DACH1: variants seen among roughly 807,000 people sequenced by gnomAD.
DACH1 encodes the protein dachshund homolog 1.
DACH1 carries 12 observed loss-of-function variants against 54.2 expected under a neutral mutation model. The observed-to-expected ratio is 0.22, with a 90% CI of 0.14 to 0.36. DACH1 has a LOEUF of 0.36. Ranked by LOEUF, DACH1 falls within the 10% of genes least tolerant of loss-of-function variation. The pLI, the probability that DACH1 is intolerant of heterozygous loss-of-function variation, is 1.00. For synonymous variants in DACH1, 386 were observed against 366.2 expected, an observed-to-expected ratio of 1.05 and a Z score of -0.62; for missense variants, 805 against 929.8, an observed-to-expected ratio of 0.87 and a Z score of 1.75.
At chr13:71,558,266 A>G (rs1197706574) in intron 5 of DACH1, among the ~76,000 whole-genome samples, 1 of 151,970 alleles carries the variant, frequency 6.6e-6, no homozygotes, top group Non-Finnish European at 1.5e-5. Context: ...ACACATAAGA[A>G]TGATTTGCAT....
At chr13:71,817,487 T>G (rs1594258117) in intron 1 of DACH1, among the ~76,000 whole-genome samples, 1 of 152,220 alleles carries the variant, frequency 6.6e-6, no homozygotes, top group East Asian at 1.9e-4. Context: ...TTGGTAGTTC[T>G]AGGGACACAC....
intron 1 of DACH1, among the ~76,000 whole-genome samples, chr13:71,734,010 C>T (rs1462105933): frequency 6.6e-6 from 1 of 151,806 alleles, no homozygotes; most frequent in Non-Finnish European, 1.5e-5. Flanking sequence ...GATTGCACCA[C>T]TGCACTCCAG....
intron 3 of DACH1, among the ~76,000 whole-genome samples, chr13:71,617,617 G>A (rs1013762632): frequency 6.6e-6 from 1 of 152,080 alleles, no homozygotes; most frequent in African/African-American, 2.4e-5. Context: ...AAAGCAAATA[G>A]GCTAAAACCA....
chr13:71,510,704 T>C (rs1880710501), intron 6 of DACH1, among the ~76,000 whole-genome samples: 1 of 152,076 alleles, frequency 6.6e-6, no homozygotes, highest in African/African-American at 2.4e-5. Context: ...GCTTGATTCA[T>C]GTAAATCTAT....
intron 6 of DACH1, among the ~76,000 whole-genome samples, chr13:71,508,420 T>C (rs1007929754): frequency 1.3e-5 from 2 of 152,138 alleles, no homozygotes; most frequent in African/African-American, 2.4e-5. Flanking sequence ...TAGTATCATT[T>C]TATATGCATG....
At chr13:71,614,009 G>A (rs953894408) in intron 3 of DACH1, among the ~76,000 whole-genome samples, 3 of 152,102 alleles carry the variant, frequency 2.0e-5, no homozygotes, top group East Asian at 1.9e-4. Context: ...TTGTTTGTTC[G>A]TTTGTTTTCT....
chr13:71,816,018 G>A (rs1477141226), intron 1 of DACH1, among the ~76,000 whole-genome samples: 1 of 151,924 alleles, frequency 6.6e-6, no homozygotes, highest in Admixed American at 6.6e-5. Flanking sequence ...CCGGGAGGCG[G>A]AGCTTGCAGT....
At chr13:71,717,374 C>G (rs983257415) in intron 1 of DACH1, among the ~76,000 whole-genome samples, 2 of 151,966 alleles carry the variant, frequency 1.3e-5, no homozygotes, top group African/African-American at 4.8e-5. Context: ...ACAGAATAAC[C>G]TTTTAACTGA....
intron 1 of DACH1, among the ~76,000 whole-genome samples, chr13:71,788,849 A>G (rs1023495078): frequency 1.4e-4 from 22 of 152,254 alleles, no homozygotes; most frequent in Admixed American, 7.2e-4. Flanking sequence ...ATAAACCTCC[A>G]TTCTGAAGCA....
intron 1 of DACH1, among the ~76,000 whole-genome samples, chr13:71,682,114 A>C (rs1453066317): frequency 6.6e-6 from 1 of 152,224 alleles, no homozygotes; most frequent in African/African-American, 2.4e-5. Flanking sequence ...CTCCTGATGC[A>C]TAATTCATAG....
At chr13:71,573,605 T>G (rs1326277043) in intron 3 of DACH1, 4 of 480,326 alleles carry the variant, frequency 8.3e-6, no homozygotes, top group Non-Finnish European at 1.5e-5. Flanking sequence ...TACTTGGATA[T>G]AATATTATTC....
intron 6 of DACH1, among the ~76,000 whole-genome samples, chr13:71,532,231 T>A (rs1183571980): frequency 1.3e-5 from 2 of 151,954 alleles, no homozygotes; most frequent in African/African-American, 4.8e-5. Context: ...ATACATTGCA[T>A]TATTAGACTA....
intron 1 of DACH1, among the ~76,000 whole-genome samples, chr13:71,807,941 T>A (rs1366857742): frequency 1.3e-5 from 2 of 152,178 alleles, no homozygotes; most frequent in African/African-American, 4.8e-5. Flanking sequence ...CTTTTCCTGA[T>A]GTTAATGTCA....
At chr13:71,850,375 G>A (rs1162802358) in intron 1 of DACH1, among the ~76,000 whole-genome samples, 7 of 152,254 alleles carry the variant, frequency 4.6e-5, no homozygotes, top group Admixed American at 4.6e-4. Context: ...TGCAAGGCCA[G>A]GATCCTTAAC....
rs774114340 is a variant in DACH1, at chr13:71,439,412, G to T, written c.*1243C>A. On this transcript the variant is annotated 3_prime_UTR_variant, in exon 11 of 11. Coordinates refer to ENST00000613252, the MANE Select transcript of DACH1 (RefSeq NM_080759.6). ...CATAGCCACCCTTCCCTCTGACAAG[G>T]GTGGGAAGCACAGCACATTTTAACT... 3 of 152,394 alleles carry T rather than the reference G, an allele frequency of 2.0e-5. No homozygotes were observed. The highest frequency in any genetic ancestry group is 1.3e-4 in the Admixed American group (2 of 15,242). 9.4% of individuals were successfully genotyped at this position (152,394 alleles called of 1,614,324 possible).
intron 3 of DACH1, among the ~76,000 whole-genome samples, chr13:71,593,874 T>C (rs1192506881): frequency 6.6e-6 from 1 of 151,804 alleles, no homozygotes; most frequent in African/African-American, 2.4e-5. Context: ...CTAATAAGTA[T>C]ATTTTCTGAA....
Position 71,439,277 on chromosome 13 carries a change from G to C in DACH1, c.*1378C>G, listed in dbSNP as rs1207370426. The C allele has an allele frequency of 6.6e-6, 1 of 152,378 alleles. No individual in the cohort carries two copies. The highest frequency in any genetic ancestry group is 2.4e-5 in the African/African-American group (1 of 41,418). 9.4% of individuals were successfully genotyped at this position (152,378 alleles called of 1,614,324 possible). A position where few individuals can be genotyped will look rare whatever the true frequency, so the allele number is the denominator to read the frequency against. On this transcript the variant is annotated 3_prime_UTR_variant, in exon 11 of 11. Transcript: ENST00000613252. The stretch of plus-strand genomic sequence containing the variant: ...TAATTCCAGATATGCAAAAAACAAA[G>C]AGAAGGTAACTTTAGCATGTAATAA...
intron 3 of DACH1, among the ~76,000 whole-genome samples, chr13:71,622,228 G>A (rs982538289): frequency 2.6e-5 from 4 of 151,832 alleles, no homozygotes; most frequent in East Asian, 1.9e-4. Context: ...GATGAATCAC[G>A]GTCACGTGAA....
At chr13:71,494,570 A>G (rs1879252552) in intron 6 of DACH1, among the ~76,000 whole-genome samples, 1 of 152,112 alleles carries the variant, frequency 6.6e-6, no homozygotes, top group African/African-American at 2.4e-5. Flanking sequence ...ATATTTTCAA[A>G]TTATGATGGG....
Sources: allele counts gnomAD v4.1 joint callset (sites outside exome capture counted in the v4.1 genomes callset), GRCh38; gene constraint gnomAD v4.1.1; transcripts MANE v1.5; gene names NCBI Gene and HGNC (gene_info 2026-07-23, HGNC 2026-07-21).